The following PPM1L variants were observed in gnomAD, a reference collection of about 807,000 sequenced individuals.
The protein encoded by PPM1L is protein phosphatase 1L.
In PPM1L, 13 loss-of-function variants were observed where a neutral mutation model predicts 31.4. The ratio of observed to expected loss-of-function variants is 0.41; its 90% CI spans 0.27 to 0.66. The LOEUF (loss-of-function observed/expected upper bound fraction) is 0.66, where lower values mean the gene tolerates loss of function less well. Among genes scored for constraint, PPM1L ranks in the 30% least tolerant of loss-of-function variants. The pLI, the probability that PPM1L is intolerant of heterozygous loss-of-function variation, is 0.29. For missense variants in PPM1L, 326 were observed against 453.7 expected (o/e 0.72, Z 2.56); for synonymous variants, 184 against 175.4 (o/e 1.05, Z -0.39).
intron 1 of PPM1L, among the ~76,000 whole-genome samples, chr3:160,928,848 C>T (rs1357516155): frequency 6.6e-6 from 1 of 152,122 alleles, no homozygotes; most frequent in Non-Finnish European, 1.5e-5. Context: ...TTGGGCCTCC[C>T]AGTTTCCAGA....
chr3:161,004,275 C>A (rs199879213), intron 2 of PPM1L, among the ~76,000 whole-genome samples: 30,408 of 136,500 alleles, frequency 0.22, 3,205 homozygotes, highest in African/African-American at 0.3. Flanking sequence ...CATCAATGTT[C>A]ATCAAGGATA....
rs369101153 is a variant in PPM1L, at chr3:161,065,209, A to G, written c.575-194A>G. Among the ~76,000 whole-genome samples the G allele has an allele frequency of 1.5e-4, 23 of 152,344 alleles. No individual in the cohort carries two copies. The East Asian group carries it at 1.7e-3, about 11-fold the overall frequency. On this transcript the variant is annotated intron_variant, in intron 2 of 3. Coordinates refer to ENST00000498165, the MANE Select transcript of PPM1L (RefSeq NM_139245.4). ...TAGCCTATTTTAGTGACACTCTAAC[A>G]TGGTTAAGAAAATTGACTGTCAGAT...
chr3:160,976,925 G>A (rs1412226346), intron 2 of PPM1L, among the ~76,000 whole-genome samples: 1 of 152,164 alleles, frequency 6.6e-6, no homozygotes, highest in Non-Finnish European at 1.5e-5. Context: ...GCTTTTGAAT[G>A]TGTTTGCTCT....
At chr3:160,766,852 C>A (rs114449053) in intron 1 of PPM1L, among the ~76,000 whole-genome samples, 1 of 151,750 alleles carries the variant, frequency 6.6e-6, no homozygotes, top group Admixed American at 6.6e-5. Context: ...CCTTGATACT[C>A]GAGTCTGTTA....
At chr3:160,899,464 T>G (rs1713465092) in intron 1 of PPM1L, among the ~76,000 whole-genome samples, 1 of 152,192 alleles carries the variant, frequency 6.6e-6, no homozygotes, top group African/African-American at 2.4e-5. Context: ...AGAATGGTTT[T>G]GCCAATGAAT....
chr3:161,046,287 A>G (rs1480180447), intron 2 of PPM1L, among the ~76,000 whole-genome samples: 2 of 152,104 alleles, frequency 1.3e-5, no homozygotes, highest in East Asian at 3.9e-4. Context: ...AATACAAACT[A>G]CCATCAGAGA....
At position 160,822,386 on chromosome 3, in the gene PPM1L, C is replaced by G. The variant is rs376743290; in HGVS notation, c.399+65679C>G. ...AGTTATTACTGTACCTTATAGGACA[C>G]CTCTCATGATTACGGTCCTTGAAGA... On this transcript the variant is annotated intron_variant, in intron 1 of 3. Coordinates refer to ENST00000498165, the MANE Select transcript of PPM1L (RefSeq NM_139245.4). 9.2e-4 allele frequency among the ~76,000 whole-genome samples: 140 copies of G among 152,082 alleles called. 1 individual carries two copies. The South Asian group carries it at 0.028, about 30-fold the overall frequency.
At chr3:160,856,291 C>G (rs1711701246) in intron 1 of PPM1L, among the ~76,000 whole-genome samples, 1 of 152,102 alleles carries the variant, frequency 6.6e-6, no homozygotes, top group Non-Finnish European at 1.5e-5. Flanking sequence ...CAAGTTGACT[C>G]TTAATATTAA....
intron 1 of PPM1L, among the ~76,000 whole-genome samples, chr3:160,907,933 C>T (rs375762633): frequency 3.9e-4 from 60 of 152,238 alleles, no homozygotes; most frequent in African/African-American, 5.8e-4. Flanking sequence ...GCCAAACCTA[C>T]GAGAATCCAG....
intron 2 of PPM1L, among the ~76,000 whole-genome samples, chr3:160,973,502 C>T (rs1438121283): frequency 6.6e-6 from 1 of 152,124 alleles, no homozygotes; most frequent in African/African-American, 2.4e-5. Context: ...ATGACATACA[C>T]ATTAATGGTA....
chr3:161,033,976 G>A (rs1718657854), intron 2 of PPM1L, among the ~76,000 whole-genome samples: 1 of 152,050 alleles, frequency 6.6e-6, no homozygotes, highest in African/African-American at 2.4e-5. Context: ...AATCTGCAAG[G>A]AACTTAAACA....
intron 1 of PPM1L, among the ~76,000 whole-genome samples, chr3:160,783,617 AAAAG>A (rs1208119183): frequency 8.0e-4 from 122 of 151,624 alleles, no homozygotes; most frequent in African/African-American, 2.1e-3. Flanking sequence ...AAAAAAAAGA[AAAAG>A]AAAGAAAGAA....
rs371727583 is a variant in PPM1L, at chr3:161,068,870, T to A, written c.796T>A (p.Ser266Thr). Residue 266 changes from serine to threonine, a missense_variant, in exon 4 of 4, where the codon TCC becomes ACC. Ser to Thr is a moderately conservative substitution (Grantham distance 58). Coordinates refer to ENST00000498165, the MANE Select transcript of PPM1L (RefSeq NM_139245.4). ...RVQGILAMSRSLGDYPLKNLN... is the reference protein window; with the variant it reads ...RVQGILAMSRTLGDYPLKNLN... Reference sequence around the variant, plus strand: ...CCAGGGAATCCTGGCCATGTCTCGGTCCCTGGGGGATTATCCGCTGAAAAA... The same window carrying A: ...CCAGGGAATCCTGGCCATGTCTCGGACCCTGGGGGATTATCCGCTGAAAAA... 1.1e-5 allele frequency: 17 copies of A among 1,613,988 alleles called. No individual in the cohort carries two copies. Among genetic ancestry groups the A allele is most frequent in the African/African-American group, 1.3e-5 (1 of 74,906 alleles).
chr3:160,806,123 T>A (rs1427628311), intron 1 of PPM1L, among the ~76,000 whole-genome samples: 1 of 152,186 alleles, frequency 6.6e-6, no homozygotes, highest in African/African-American at 2.4e-5. Context: ...CCAGCCTTAT[T>A]TCTTTCTTGT....
intron 1 of PPM1L, chr3:160,882,292 T>C (rs1398601842): frequency 6.6e-6 from 1 of 152,184 alleles, no homozygotes; most frequent in African/African-American, 2.4e-5. Flanking sequence ...ATCTAGAACC[T>C]TTCCCAGGCC....
At chr3:160,998,071 C>G (rs1408320263) in intron 2 of PPM1L, among the ~76,000 whole-genome samples, 1 of 152,006 alleles carries the variant, frequency 6.6e-6, no homozygotes, top group Non-Finnish European at 1.5e-5. Flanking sequence ...CTAAAAGTTC[C>G]TATTATGTAA....
chr3:160,927,332 T>A (rs929235080), intron 1 of PPM1L, among the ~76,000 whole-genome samples: 1 of 152,250 alleles, frequency 6.6e-6, no homozygotes, highest in South Asian at 2.1e-4. Context: ...ATATGATGGA[T>A]GTTTAATACA....
intron 2 of PPM1L, among the ~76,000 whole-genome samples, chr3:161,051,563 T>C (rs990316455): frequency 6.6e-6 from 1 of 152,134 alleles, no homozygotes; most frequent in Non-Finnish European, 1.5e-5. Context: ...ATAACTAATA[T>C]CAGGATTTTA....
At chr3:160,938,904 A>G (rs1479441910) in intron 1 of PPM1L, among the ~76,000 whole-genome samples, 1 of 152,226 alleles carries the variant, frequency 6.6e-6, no homozygotes, top group Non-Finnish European at 1.5e-5. Context: ...CAAAAACAGC[A>G]TGCCTTACCC....
Sources: gnomAD v4.1 joint callset for allele counts (sites outside exome capture counted in the v4.1 genomes callset) on GRCh38, gnomAD v4.1.1 for gene constraint, MANE v1.5 for transcripts, NCBI Gene and HGNC (gene_info 2026-07-23, HGNC 2026-07-21) for gene names.